The following PCDHGA7 variants were observed in gnomAD, a reference collection of about 807,000 sequenced individuals.
The protein encoded by PCDHGA7 is protocadherin gamma-A7.
A neutral mutation model predicts 58.3 loss-of-function variants in PCDHGA7; 44 were observed. The ratio of observed to expected loss-of-function variants is 0.75; its 90% CI spans 0.59 to 0.97. PCDHGA7 has a LOEUF of 0.97. Ranked by LOEUF, PCDHGA7 falls within the 50% of genes least tolerant of loss-of-function variation. The probability of loss-of-function intolerance (pLI) is 0.00; values close to 1 mark genes in which losing one functional copy is unlikely to be tolerated. For missense variants in PCDHGA7, 1,266 were observed against 1,188.7 expected (o/e 1.06, Z -0.96); for synonymous variants, 516 against 504.2 (o/e 1.02, Z -0.31).
intron 1 of PCDHGA7, chr5:141,414,628 A>T (rs1471507988): frequency 4.3e-6 from 7 of 1,613,900 alleles, no homozygotes; most frequent in Non-Finnish European, 5.9e-6. Flanking sequence ...GGACCCGGAC[A>T]GCAAAGAGAA....
At chr5:141,415,508 A>G in intron 1 of PCDHGA7, 2 of 1,614,168 alleles carry the variant, frequency 1.2e-6, no homozygotes, top group Non-Finnish European at 1.7e-6. Flanking sequence ...CCCCAGCCCA[A>G]TTATGCGGAC....
At chr5:141,469,782 G>A (rs760985231) in intron 1 of PCDHGA7, among the ~76,000 whole-genome samples, 8 of 152,204 alleles carry the variant, frequency 5.3e-5, no homozygotes, top group African/African-American at 1.7e-4. Context: ...TTATTACAGC[G>A]TTATTTGTAA....
intron 1 of PCDHGA7, among the ~76,000 whole-genome samples, chr5:141,456,288 G>A (rs371687260): frequency 1.4e-3 from 217 of 152,226 alleles, no homozygotes; most frequent in Middle Eastern, 6.8e-3. Context: ...GAAAAGGGGC[G>A]TCTAATGGAG....
intron 1 of PCDHGA7, chr5:141,407,971 G>T (rs1399304138): frequency 2.8e-6 from 2 of 717,762 alleles, no homozygotes; most frequent in Non-Finnish European, 4.3e-6. Context: ...AAGCGCTGAC[G>T]CCGGGGATCC....
chr5:141,490,405 ATC>A lies in PCDHGA7; in HGVS notation c.2425-4397_2425-4396del, dbSNP rs765446736. 1 of 1,614,142 alleles carries A rather than the reference ATC, an allele frequency of 6.2e-7. No individual in the cohort carries two copies. The highest frequency in any genetic ancestry group is 8.5e-7 in the Non-Finnish European group (1 of 1,180,028). ...TAGAAATGGTGAAGTGAGCCTTGATATCTCTCCGGACCTGCCATTTCAGATTA... is the reference window on the plus strand; with the variant it reads ...TAGAAATGGTGAAGTGAGCCTTGATATCTCCGGACCTGCCATTTCAGATTA... On this transcript the variant is annotated intron_variant, in intron 1 of 3. Transcript: ENST00000518325. The surrounding 1 kb of genome is among the most constrained non-coding windows in gnomAD (Gnocchi z 5.4).
In PCDHGA7 at chr5:141,385,271, TG is replaced by T. The variant is rs777522853; in HGVS notation, c.2373del (p.Leu791PhefsTer2). ...GAGAGCTGTGAGAAAAATGATTCTTTGCTAACATCCGTAGATTTTCAGGAAT... is the reference window on the plus strand; with the variant it reads ...GAGAGCTGTGAGAAAAATGATTCTTTCTAACATCCGTAGATTTTCAGGAAT... The part of the protein sequence containing the change: ...SQESCEKNDS[L>X]LTSVDFQECK... On this transcript the variant is annotated frameshift_variant, in exon 1 of 4. Transcript: ENST00000518325. LOFTEE classifies it high-confidence loss of function. 313 of 1,614,076 alleles carry T rather than the reference TG, an allele frequency of 1.9e-4. No individual in the cohort carries two copies. The highest frequency in any genetic ancestry group is 2.4e-4 in the Non-Finnish European group (282 of 1,180,014).
chr5:141,494,909 T>G (rs764123148), intron 2 of PCDHGA7, 44 bp downstream of exon 2: 1 of 1,614,042 alleles, frequency 6.2e-7, no homozygotes, highest in Admixed American at 1.7e-5. Flanking sequence ...CTGCGGCATT[T>G]TCTCAGGGAT....
At chr5:141,497,820 G>A (rs1595489288) in intron 2 of PCDHGA7, among the ~76,000 whole-genome samples, 1 of 152,226 alleles carries the variant, frequency 6.6e-6, no homozygotes, top group Admixed American at 6.5e-5. Flanking sequence ...AATTACAGGT[G>A]TGATCGCCCC....
intron 1 of PCDHGA7, among the ~76,000 whole-genome samples, chr5:141,460,922 ATATGTGTGTGTG>A: frequency 6.6e-6 from 1 of 151,042 alleles, no homozygotes; most frequent in Non-Finnish European, 1.5e-5. Context: ...GTATATATAT[ATATGTGTGTGTG>A]TATATATATG....
At chr5:141,400,203 G>C in intron 1 of PCDHGA7, 1 of 1,613,996 alleles carries the variant, frequency 6.2e-7, no homozygotes, top group Non-Finnish European at 8.5e-7. Flanking sequence ...TGGTGGCCTT[G>C]GCCTTGATCT....
At chr5:141,418,966 C>T (rs754269610) in intron 1 of PCDHGA7, 44 of 1,613,892 alleles carry the variant, frequency 2.7e-5, no homozygotes, top group Non-Finnish European at 3.6e-5. Flanking sequence ...TTGCCCTCTT[C>T]AAAACACGGG....
Position 141,421,313 on chromosome 5 carries a change from C to T in PCDHGA7, c.2424+35990C>T, listed in dbSNP as rs201429116. 461 of 1,613,716 alleles carry T rather than the reference C, an allele frequency of 2.9e-4. No homozygotes were observed. Among genetic ancestry groups the T allele is most frequent in the Non-Finnish European group, 3.7e-4 (436 of 1,179,850 alleles). On this transcript the variant is annotated intron_variant, in intron 1 of 3. Coordinates refer to ENST00000518325, the MANE Select transcript of PCDHGA7 (RefSeq NM_018920.4). ...CTGGGGACGCTGCGGGGGTTCCGGGCCAGGCAGATCCGATATTCGGTGCCA... is the reference window on the plus strand; with the variant it reads ...CTGGGGACGCTGCGGGGGTTCCGGGTCAGGCAGATCCGATATTCGGTGCCA...
rs72790032 is a variant in PCDHGA7 at position 141,393,544 on chromosome 5, A to G, written c.2424+8221A>G. On this transcript the variant is annotated intron_variant, in intron 1 of 3. Coordinates refer to ENST00000518325, the MANE Select transcript of PCDHGA7 (RefSeq NM_018920.4). ...AATGACAATGCCCCGGTTTTTCCTC[A>G]CCCGATTTACCGAGTGAAAGTCCTT... 18,579 of 1,613,800 alleles carry G rather than the reference A, an allele frequency of 0.012. 149 individuals carry two copies. The highest frequency in any genetic ancestry group is 0.014 in the Non-Finnish European group (16,983 of 1,179,880).
At position 141,485,565 on chromosome 5, in the gene PCDHGA7, C is replaced by T. The variant is rs1213821989; in HGVS notation, c.2425-9242C>T. The T allele has an allele frequency of 2.5e-6, 4 of 1,612,946 alleles. No homozygotes were observed. Among genetic ancestry groups the T allele is most frequent in the Non-Finnish European group, 2.5e-6 (3 of 1,179,042 alleles). On this transcript the variant is annotated intron_variant, in intron 1 of 3. Coordinates refer to ENST00000518325, the MANE Select transcript of PCDHGA7 (RefSeq NM_018920.4). The surrounding 1 kb of genome is among the most constrained non-coding windows in gnomAD (Gnocchi z 5.7). ...ATCGTAGATGTGAATGATCACGCCCCCCGTTTTCCGCGGCAGCAGCTGGAC... is the reference window on the plus strand; with the variant it reads ...ATCGTAGATGTGAATGATCACGCCCTCCGTTTTCCGCGGCAGCAGCTGGAC...
intron 1 of PCDHGA7, chr5:141,398,258 G>T (rs756489359): frequency 2.1e-6 from 3 of 1,454,654 alleles, no homozygotes; most frequent in Non-Finnish European, 2.8e-6. Context: ...ATGCCCAAGG[G>T]CTCCGTAGTG....
chr5:141,399,631 T>A lies in PCDHGA7; in HGVS notation c.2424+14308T>A, dbSNP rs1251761184. On this transcript the variant is annotated intron_variant, in intron 1 of 3. Transcript: ENST00000518325. ...GCCTCTGGCACTGGCCTCTTACGTGTCCATGAGCGCGCAAAGTGGGGTGGT... is the reference window on the plus strand; with the variant it reads ...GCCTCTGGCACTGGCCTCTTACGTGACCATGAGCGCGCAAAGTGGGGTGGT... 31 of 1,613,746 alleles carry A rather than the reference T, an allele frequency of 1.9e-5. No homozygotes were observed. The highest frequency in any genetic ancestry group is 2.4e-5 in the Non-Finnish European group (28 of 1,179,892).
intron 1 of PCDHGA7, chr5:141,390,412 C>A: frequency 8.3e-7 from 1 of 1,206,056 alleles, no homozygotes; most frequent in Admixed American, 2.5e-5. Flanking sequence ...AAGTTGTAGT[C>A]AGTTAAAAAG....
At chr5:141,475,996 G>T (rs2099383729) in intron 1 of PCDHGA7, 4 of 1,181,402 alleles carry the variant, frequency 3.4e-6, no homozygotes, top group Non-Finnish European at 3.5e-6. Flanking sequence ...GCAAATCAAC[G>T]GCATCCAGAA....
At chr5:141,510,850 G>A in intron 3 of PCDHGA7, 97 bp from the exon 4 acceptor site, 4 of 1,599,444 alleles carry the variant, frequency 2.5e-6, no homozygotes, top group South Asian at 1.1e-5. Context: ...AAGGCCCAGG[G>A]TGCTGTATAG....
Sources: gnomAD v4.1 joint callset for allele counts (sites outside exome capture counted in the v4.1 genomes callset) on GRCh38, gnomAD v4.1.1 for gene constraint, Gnocchi (gnomAD v3.1) non-coding constraint, MANE v1.5 for transcripts, NCBI Gene and HGNC (gene_info 2026-07-23, HGNC 2026-07-21) for gene names.